Variants in CYTH4 observed in about 807,000 individuals in gnomAD.
CYTH4 encodes cytohesin-4.
Under a neutral mutation model 57.5 loss-of-function variants are expected in CYTH4, and 22 were observed. The ratio of observed to expected loss-of-function variants is 0.38; its 90% CI spans 0.27 to 0.55. The LOEUF is 0.55. Ranked by LOEUF, CYTH4 falls within the 20% of genes least tolerant of loss-of-function variation. The probability of loss-of-function intolerance (pLI) is 0.74; values close to 1 mark genes in which losing one functional copy is unlikely to be tolerated. For missense variants in CYTH4, 420 were observed against 535.6 expected, an observed-to-expected ratio of 0.78 and a Z score of 2.13; for synonymous variants, 186 against 206.5, an observed-to-expected ratio of 0.90 and a Z score of 0.85.
chr22:37,285,424 G>T (rs1416104527), intron 1 of CYTH4, among the ~76,000 whole-genome samples: 2 of 152,086 alleles, frequency 1.3e-5, no homozygotes, highest in African/African-American at 4.8e-5. Context: ...TTCATCTCCT[G>T]GCCAGGCATG....
At chr22:37,296,139 T>G (rs1236505057) in intron 4 of CYTH4, 74 bp downstream of exon 4, 2 of 1,448,902 alleles carry the variant, frequency 1.4e-6, no homozygotes, top group Non-Finnish European at 1.9e-6. Flanking sequence ...GTCCTCTCGC[T>G]CCCCTCGGCT....
intron 4 of CYTH4, chr22:37,296,468 T>C: frequency 5.1e-6 from 1 of 197,126 alleles, no homozygotes; most frequent in Non-Finnish European, 1.1e-5. Flanking sequence ...CACCCACCCC[T>C]CTGCTAGTAG....
rs752531886 is a variant in CYTH4, at chr22:37,312,167, T to C, written c.1105T>C (p.Ser369Pro). 6.2e-7 allele frequency: 1 copy of C among 1,613,874 alleles called. No homozygotes were observed. The highest frequency in any genetic ancestry group is 1.7e-5 in the Admixed American group (1 of 60,002). ...SAEERDQWIE[S>P]IRASITRVPF... ...CGAGGAACGTGACCAGTGGATCGAG[T>C]CCATCCGGTAAGGGGTGCCCAGGTC... The change falls in exon 12 of 13, where the codon TCC (serine) becomes CCC (proline). Residue 369 changes from serine to proline, a missense_variant. By Grantham distance (74) the Ser-to-Pro change is moderately conservative. Transcript: ENST00000248901.
intron 9 of CYTH4, among the ~76,000 whole-genome samples, chr22:37,309,570 A>G (rs1255057941): frequency 3.9e-5 from 6 of 152,116 alleles, no homozygotes; most frequent in African/African-American, 7.2e-5. Flanking sequence ...GCCGGGCGAG[A>G]GGCAGACAGA....
At chr22:37,300,205 A>G (rs1192676044) in intron 6 of CYTH4, 1 of 717,446 alleles carries the variant, frequency 1.4e-6, no homozygotes, top group East Asian at 2.7e-5. Flanking sequence ...AGGAGTTCAC[A>G]ATACAGAGAA....
intron 9 of CYTH4, 52 bp from the exon 10 acceptor site, chr22:37,310,936 G>A: frequency 6.3e-7 from 1 of 1,597,364 alleles, no homozygotes; most frequent in Non-Finnish European, 8.6e-7. Context: ...TGGAGGAGGT[G>A]TCAGTGGCCC....
In CYTH4 at chr22:37,284,797, G is replaced by A. The variant is rs55681519; in HGVS notation, c.19+2209G>A. Among the ~76,000 whole-genome samples, 1,132 of 152,296 alleles carry A rather than the reference G, an allele frequency of 7.4e-3. 15 individuals carry two copies. Among genetic ancestry groups the A allele is most frequent in the African/African-American group, 0.026 (1,086 of 41,568 alleles). On this transcript the variant is annotated intron_variant, in intron 1 of 12. Coordinates refer to ENST00000248901, the MANE Select transcript of CYTH4 (RefSeq NM_013385.5). ...TCCTCTCCTGAGGTGGGCCTGTGTC[G>A]GGAAGCAGGTAAGGCGCCCTCCCCC... is the stretch of plus-strand genomic sequence containing the variant.
chr22:37,312,095 G>T lies in CYTH4; in HGVS notation c.1033G>T (p.Val345Leu). The T allele has an allele frequency of 3.7e-6, 6 of 1,614,214 alleles. No individual in the cohort carries two copies. Among genetic ancestry groups the T allele is most frequent in the Non-Finnish European group, 5.1e-6 (6 of 1,180,034 alleles). Reference sequence around the variant, plus strand: ...CTGCAAGACCGATGGCGACGGCAGGGTGGTGGAGGGCAAGCACGAATCGTA... The same window carrying T: ...CTGCAAGACCGATGGCGACGGCAGGTTGGTGGAGGGCAAGCACGAATCGTA... ...KACKTDGDGRVVEGKHESYRI... is the reference protein window; with the variant it reads ...KACKTDGDGRLVEGKHESYRI... The change falls in exon 12 of 13, where the codon GTG becomes TTG. Residue 345 changes from valine (V) to leucine (L), a missense_variant. Physicochemically the swap from Val to Leu is conservative, Grantham distance 32. Coordinates refer to ENST00000248901, the MANE Select transcript of CYTH4 (RefSeq NM_013385.5).
At position 37,311,562 on chromosome 22, in the gene CYTH4, G is replaced by C; in HGVS notation, c.957+35G>C. 6.2e-7 allele frequency: 1 copy of C among 1,604,926 alleles called. No homozygotes were observed. Among genetic ancestry groups the C allele is most frequent in the Non-Finnish European group, 8.5e-7 (1 of 1,172,542 alleles). ...CAGGTTGCAGGATCCCGAGGCTGGA[G>C]CCACTGGGAAATTTCCTAAACAGAA... On this transcript the variant is annotated intron_variant, in intron 11 of 12. Transcript: ENST00000248901. This position sits in a 1 kb window ranked among gnomAD's most constrained non-coding sequence, Gnocchi z 4.4.
rs553131134 is a variant in CYTH4, at chr22:37,303,414, G to T, written c.696+12G>T. 5.0e-6 allele frequency: 8 copies of T among 1,610,674 alleles called. No homozygotes were observed. The South Asian group carries it at 5.5e-5, about 11-fold the overall frequency. ...AGGACCAGCTGCGGGTGAGAGAGGC[G>T]CAGCCCACCCAGCCTGGCCCCGGGG... On this transcript the variant is annotated intron_variant, in intron 8 of 12. Coordinates refer to ENST00000248901, the MANE Select transcript of CYTH4 (RefSeq NM_013385.5).
At chr22:37,300,734 C>A (rs897180149) in intron 6 of CYTH4, 173 bp from the exon 7 acceptor site, 2 of 610,558 alleles carry the variant, frequency 3.3e-6, no homozygotes, top group African/African-American at 3.7e-5. Flanking sequence ...GGCTACCTCC[C>A]GCGTGCTTGG....
chr22:37,308,797 T>A (rs1241554295), intron 8 of CYTH4, among the ~76,000 whole-genome samples: 1 of 152,128 alleles, frequency 6.6e-6, no homozygotes, highest in African/African-American at 2.4e-5. Context: ...TGTGTGAACA[T>A]GCATGTGTGT....
At position 37,314,252 on chromosome 22, in the gene CYTH4, T is replaced by G; in HGVS notation, c.*741T>G. Reference sequence around the variant, plus strand: ...AGCTTCCAGCTGGAGATGGCAGCCGTTGTTTGCGGAGCCCAGGCTGACTCC... The same window carrying G: ...AGCTTCCAGCTGGAGATGGCAGCCGGTGTTTGCGGAGCCCAGGCTGACTCC... On this transcript the variant is annotated 3_prime_UTR_variant, in exon 13 of 13. Transcript: ENST00000248901. The G allele has an allele frequency of 2.5e-6, 1 of 398,044 alleles. No individual in the cohort carries two copies. The highest frequency in any genetic ancestry group is 4.4e-6 in the Non-Finnish European group (1 of 225,696). 24.7% of individuals were successfully genotyped at this position (398,044 alleles called of 1,614,324 possible). A position where few individuals can be genotyped will look rare whatever the true frequency, so the allele number is the denominator to read the frequency against.
intron 12 of CYTH4, among the ~76,000 whole-genome samples, 171 bp downstream of exon 12, chr22:37,312,345 C>T (rs1480812365): frequency 6.6e-6 from 1 of 152,232 alleles, no homozygotes; most frequent in Non-Finnish European, 1.5e-5. Context: ...GTGTGCCTGG[C>T]ACCAGGCCAG....
At position 37,295,859 on chromosome 22, in the gene CYTH4, G is replaced by A; in HGVS notation, c.168-140G>A. 1.2e-6 allele frequency: 1 copy of A among 805,956 alleles called. No individual in the cohort carries two copies. The allele number at this position is 805,956 out of a possible 1,614,324, so 49.9% of individuals were successfully genotyped here. On this transcript the variant is annotated intron_variant, in intron 3 of 12. Transcript: ENST00000248901. This position sits in a 1 kb window ranked among gnomAD's most constrained non-coding sequence, Gnocchi z 4.1. Reference sequence around the variant, plus strand: ...TTGCACTGCTCTCTCCCGCCCAGGTGGTTCCCATGCAGGACCCGGAGGCCA... The same window carrying A: ...TTGCACTGCTCTCTCCCGCCCAGGTAGTTCCCATGCAGGACCCGGAGGCCA...
intron 9 of CYTH4, among the ~76,000 whole-genome samples, chr22:37,310,450 G>A (rs530547058): frequency 1.3e-5 from 2 of 152,326 alleles, no homozygotes; most frequent in Non-Finnish European, 2.9e-5. Context: ...GTTGGGCTCT[G>A]GGACTAGGAC....
At chr22:37,285,667 G>T (rs567261497) in intron 1 of CYTH4, among the ~76,000 whole-genome samples, 1 of 151,894 alleles carries the variant, frequency 6.6e-6, no homozygotes, top group Non-Finnish European at 1.5e-5. Flanking sequence ...GCCGAGATCA[G>T]GCCACTGCAC....
At chr22:37,299,982 C>A in intron 6 of CYTH4, 1 of 704,610 alleles carries the variant, frequency 1.4e-6, no homozygotes, top group Non-Finnish European at 2.6e-6. Context: ...CAGAGTGAGG[C>A]TCTGTCTCAC....
chr22:37,304,549 C>T (rs776569149), intron 8 of CYTH4, among the ~76,000 whole-genome samples: 10 of 152,178 alleles, frequency 6.6e-5, no homozygotes, highest in Non-Finnish European at 1.2e-4. Context: ...AGAGGGGGCG[C>T]GAACACCACG....
Sources: gnomAD v4.1 joint callset for allele counts (sites outside exome capture counted in the v4.1 genomes callset) on GRCh38, gnomAD v4.1.1 for gene constraint, Gnocchi (gnomAD v3.1) non-coding constraint, MANE v1.5 for transcripts, NCBI Gene and HGNC (gene_info 2026-07-23, HGNC 2026-07-21) for gene names.